The following AASDHPPT variants were observed in gnomAD, a reference collection of about 807,000 sequenced individuals.
The protein encoded by AASDHPPT is L-aminoadipate-semialdehyde dehydrogenase-phosphopantetheinyl transferase.
Under a neutral mutation model 36.4 loss-of-function variants are expected in AASDHPPT, and 23 were observed. The observed-to-expected ratio is 0.63, with a 90% CI of 0.45 to 0.89. AASDHPPT has a LOEUF of 0.89. Among genes scored for constraint, AASDHPPT ranks in the 40% least tolerant of loss-of-function variants. The probability of loss-of-function intolerance (pLI) is 0.00; values close to 1 mark genes in which losing one functional copy is unlikely to be tolerated. For synonymous variants in AASDHPPT, 115 were observed against 128.0 expected (o/e 0.90, Z 0.68); for missense variants, 377 against 378.2 (o/e 1.00, Z 0.03).
intron 2 of AASDHPPT, chr11:106,086,159 G>A (rs1861194769): frequency 6.6e-6 from 1 of 152,278 alleles, no homozygotes; most frequent in East Asian, 1.9e-4. Context: ...GTGTCTTAAA[G>A]TGACCGAAAG....
In AASDHPPT at chr11:106,094,638, G is replaced by C; in HGVS notation, c.749G>C (p.Gly250Ala). 6.2e-7 allele frequency: 1 copy of C among 1,602,402 alleles called. No homozygotes were observed. The highest frequency in any genetic ancestry group is 8.5e-7 in the Non-Finnish European group (1 of 1,174,694). ...GCAGTTGCTCTTAGGAAACCCGATGGATCTAGACATCAGGATGTAAGATTT... is the reference window on the plus strand; with the variant it reads ...GCAGTTGCTCTTAGGAAACCCGATGCATCTAGACATCAGGATGTAAGATTT... ...FVAVALRKPDGSRHQDVPSQD... is the reference protein window; with the variant it reads ...FVAVALRKPDASRHQDVPSQD... The change falls in exon 5 of 6, where the codon GGA becomes GCA. Residue 250 changes from glycine (G) to alanine (A), a missense_variant. By Grantham distance (60) the Gly-to-Ala change is moderately conservative. Coordinates refer to ENST00000278618, the MANE Select transcript of AASDHPPT (RefSeq NM_015423.3).
intron 3 of AASDHPPT, 83 bp from the exon 4 acceptor site, chr11:106,091,233 A>G: frequency 8.0e-7 from 1 of 1,243,810 alleles, no homozygotes; most frequent in Non-Finnish European, 1.1e-6. Context: ...TAGCATTGAA[A>G]CTCCCTATCT....
chr11:106,094,469 C>T (rs1053713967), intron 4 of AASDHPPT, 114 bp from the exon 5 acceptor site: 12 of 709,280 alleles, frequency 1.7e-5, no homozygotes, highest in African/African-American at 1.5e-4. Flanking sequence ...TGTGAGTGTA[C>T]GTATATGTAT....
intron 3 of AASDHPPT, among the ~76,000 whole-genome samples, chr11:106,091,006 A>T (rs1315091892): frequency 6.6e-6 from 1 of 152,086 alleles, no homozygotes; most frequent in Non-Finnish European, 1.5e-5. Context: ...TATATACTAC[A>T]TGCCAGAAGA....
rs1383856272 is a variant in AASDHPPT at position 106,094,628 on chromosome 11, A to G, written c.739A>G (p.Lys247Glu). 1 of 1,606,168 alleles carries G rather than the reference A, an allele frequency of 6.2e-7. No homozygotes were observed. Among genetic ancestry groups the G allele is most frequent in the Non-Finnish European group, 8.5e-7 (1 of 1,176,188 alleles). Residue 247 changes from lysine (K) to glutamate (E), a missense_variant, in exon 5 of 6, where the codon AAA becomes GAA. Coordinates refer to ENST00000278618, the MANE Select transcript of AASDHPPT (RefSeq NM_015423.3). ...CCATTTTGTTGCAGTTGCTCTTAGG[A>G]AACCCGATGGATCTAGACATCAGGA... ...EHHFVAVALR[K>E]PDGSRHQDVP...
chr11:106,082,914 AAAGT>A (rs899553642), intron 2 of AASDHPPT, among the ~76,000 whole-genome samples: 1 of 152,222 alleles, frequency 6.6e-6, no homozygotes, highest in African/African-American at 2.4e-5. Flanking sequence ...CCATATTTAC[AAAGT>A]AAGGCAAAAT....
intron 1 of AASDHPPT, 77 bp from the exon 2 acceptor site, chr11:106,079,390 A>T: frequency 7.8e-7 from 1 of 1,278,584 alleles, no homozygotes; most frequent in South Asian, 1.6e-5. Flanking sequence ...GAAACCAAAA[A>T]AAAGTACTAT....
At chr11:106,090,504 C>CTTTTTATTTTT (rs1262781511) in intron 2 of AASDHPPT, 53 bp from the exon 3 acceptor site, 2 of 1,460,978 alleles carry the variant, frequency 1.4e-6, no homozygotes, top group Admixed American at 2.3e-5. Flanking sequence ...AATAGAGCAA[C>CTTTTTATTTTT]TTTTTATTTT....
intron 2 of AASDHPPT, among the ~76,000 whole-genome samples, chr11:106,080,586 C>G (rs1861128847): frequency 6.6e-6 from 1 of 152,096 alleles, no homozygotes; most frequent in Non-Finnish European, 1.5e-5. Flanking sequence ...AACACTTAAC[C>G]ACGTGTCATG....
At chr11:106,078,857 GGA>G (rs1216237249) in intron 1 of AASDHPPT, among the ~76,000 whole-genome samples, 1 of 152,118 alleles carries the variant, frequency 6.6e-6, no homozygotes, top group Non-Finnish European at 1.5e-5. Context: ...ATTGGAGGTG[GGA>G]GAGAGCAGAA....
intron 2 of AASDHPPT, among the ~76,000 whole-genome samples, chr11:106,087,574 G>A (rs6591151): frequency 0.94 from 143,614 of 152,202 alleles, 68,244 homozygotes; most frequent in Non-Finnish European, 1. Context: ...ATATATTTGT[G>A]TATACATATT....
At chr11:106,092,942 C>T (rs1861270179) in intron 4 of AASDHPPT, 1 of 152,092 alleles carries the variant, frequency 6.6e-6, no homozygotes, top group Non-Finnish European at 1.5e-5. Context: ...GTGCATTTTC[C>T]ATGTAACCAT....
intron 3 of AASDHPPT, among the ~76,000 whole-genome samples, chr11:106,091,103 C>T (rs1006148319): frequency 1.3e-5 from 2 of 151,944 alleles, no homozygotes. Context: ...AGGTTACATA[C>T]GAGGGGATAC....
chr11:106,079,996 A>G (rs574034016), intron 2 of AASDHPPT, among the ~76,000 whole-genome samples: 1 of 152,340 alleles, frequency 6.6e-6, no homozygotes, highest in South Asian at 2.1e-4. Context: ...TTAAACATTA[A>G]CCACAATTTT....
intron 2 of AASDHPPT, chr11:106,086,276 C>T (rs1014106933): frequency 4.6e-5 from 7 of 152,204 alleles, no homozygotes; most frequent in African/African-American, 1.7e-4. Context: ...AGTTTCTGCT[C>T]ATTCCTAGCA....
At chr11:106,092,984 C>T (rs1358355162) in intron 4 of AASDHPPT, 2 of 152,112 alleles carry the variant, frequency 1.3e-5, no homozygotes, top group African/African-American at 4.8e-5. Context: ...TGGGATATAA[C>T]ATCATCGTGA....
At chr11:106,085,639 A>G (rs1201664244) in intron 2 of AASDHPPT, among the ~76,000 whole-genome samples, 1 of 152,244 alleles carries the variant, frequency 6.6e-6, no homozygotes, top group East Asian at 1.9e-4. Context: ...GCCTTACTTG[A>G]TGAATATAGG....
intron 4 of AASDHPPT, 56 bp downstream of exon 4, chr11:106,091,533 T>C: frequency 6.7e-7 from 1 of 1,489,974 alleles, no homozygotes; most frequent in Middle Eastern, 2.5e-4. Flanking sequence ...TATGCATGTA[T>C]GTGTGATTAA....
rs1295670891 is a variant in AASDHPPT, at chr11:106,098,050, A to T, written c.*1143A>T. The T allele has an allele frequency of 3.9e-5, 6 of 152,090 alleles. No homozygotes were observed. Among genetic ancestry groups the T allele is most frequent in the African/African-American group, 1.4e-4 (6 of 41,436 alleles). The allele number at this position is 152,090 out of a possible 1,614,324, so 9.4% of individuals were successfully genotyped here. A position where few individuals can be genotyped will look rare whatever the true frequency, so the allele number is the denominator to read the frequency against. Reference sequence around the variant, plus strand: ...TGGTTTGACTGGTTCATAGGGCTTTAATTATACAATTTACCCCTCTAATTA... The same window carrying T: ...TGGTTTGACTGGTTCATAGGGCTTTTATTATACAATTTACCCCTCTAATTA... On this transcript the variant is annotated 3_prime_UTR_variant, in exon 6 of 6. Coordinates refer to ENST00000278618, the MANE Select transcript of AASDHPPT (RefSeq NM_015423.3).
Sources: gnomAD v4.1 joint callset for allele counts (sites outside exome capture counted in the v4.1 genomes callset) on GRCh38, gnomAD v4.1.1 for gene constraint, MANE v1.5 for transcripts, NCBI Gene and HGNC (gene_info 2026-07-23, HGNC 2026-07-21) for gene names.